MUC5B: variants seen among roughly 807,000 people sequenced by gnomAD.
MUC5B encodes mucin 5B, oligomeric mucus/gel-forming.
A neutral mutation model predicts 376.9 loss-of-function variants in MUC5B; 116 were observed. That is an observed-to-expected ratio of 0.31 (90% confidence interval 0.26 to 0.36). The LOEUF is 0.36. Ranked by LOEUF, MUC5B falls within the 10% of genes least tolerant of loss-of-function variation. The pLI, the probability that MUC5B is intolerant of heterozygous loss-of-function variation, is 1.00. For missense variants in MUC5B, 7,165 were observed against 7,769.9 expected (o/e 0.92, Z 2.93); for synonymous variants, 3,517 against 3,390.9 (o/e 1.04, Z -1.29).
intron 26 of MUC5B, 90 bp downstream of exon 26, chr11:1,239,117 G>C (rs1467835163): frequency 6.9e-7 from 1 of 1,454,972 alleles, no homozygotes; most frequent in Non-Finnish European, 9.3e-7. Context: ...ATTGACCTGG[G>C]CCTGAGCCGC....
At position 1,236,404 on chromosome 11, in the gene MUC5B, C is replaced by G; in HGVS notation, c.2899C>G (p.Gln967Glu). The change falls in exon 24 of 49, where the codon CAA becomes GAA. Residue 967 changes from glutamine (Q) to glutamate (E), a missense_variant. Gln to Glu is a conservative substitution (Grantham distance 29). Transcript: ENST00000529681. ...LFVESYELIL[Q>E]EGTFKAVARG... The stretch of plus-strand genomic sequence containing the variant: ...CCTGCAGAGCTACGAGCTGATCCTC[C>G]AAGAGGGGACCTTTAAGGCGGTGGC... The G allele has an allele frequency of 1.2e-6, 2 of 1,611,650 alleles. No individual in the cohort carries two copies. Among genetic ancestry groups the G allele is most frequent in the Non-Finnish European group, 1.7e-6 (2 of 1,179,224 alleles).
chr11:1,244,218 T>C lies in MUC5B; in HGVS notation c.7338T>C (p.Thr2446=), dbSNP rs1462027365. ...LTELTTTATT[T]ESTGSTATPS... The stretch of plus-strand genomic sequence containing the variant: ...AGCTGACCACAACAGCCACTACGAC[T>C]GAGTCCACTGGATCCACGGCCACCC... The change falls in exon 31 of 49, where the codon ACT becomes ACC. Residue 2446 remains threonine (T), a synonymous_variant. Transcript: ENST00000529681. 2 of 1,610,944 alleles carry C rather than the reference T, an allele frequency of 1.2e-6. No homozygotes were observed. Among genetic ancestry groups the C allele is most frequent in the Non-Finnish European group, 8.5e-7 (1 of 1,178,130 alleles).
chr11:1,254,741 C>T lies in MUC5B; in HGVS notation c.15525C>T (p.Gly5175=), dbSNP rs972531232. ...TGAGCAGCGGTTTCAGCAAGAACGG[C>T]GTGCTTGTGTCTGTGCTGGGGACCA... The part of the protein sequence containing the change: ...IPVSSGFSKN[G]VLVSVLGTTT... The change falls in exon 35 of 49, where the codon GGC becomes GGT. Residue 5175 remains glycine (G), a synonymous_variant. Coordinates refer to ENST00000529681, the MANE Select transcript of MUC5B (RefSeq NM_002458.3). The T allele has an allele frequency of 9.3e-6, 15 of 1,612,916 alleles. No individual in the cohort carries two copies. The highest frequency in any genetic ancestry group is 1.3e-5 in the Non-Finnish European group (15 of 1,179,752).
Position 1,232,170 on chromosome 11 carries a change from GCCCCCACCCCCACAGTCACC to G in MUC5B, c.1843+13_1843+32del, listed in dbSNP as rs750447810. On this transcript the variant is annotated intron_variant, in intron 15 of 48. Transcript: ENST00000529681. Reference sequence around the variant, plus strand: ...CTCAGTGTGGAGAATGGTACTCCTCGCCCCCACCCCCACAGTCACCCCAGGCTCAAGTCCCACCCAGCACC... The same window carrying G: ...CTCAGTGTGGAGAATGGTACTCCTCGCCAGGCTCAAGTCCCACCCAGCACC... The G allele has an allele frequency of 3.2e-5, 50 of 1,582,806 alleles. No homozygotes were observed. The highest frequency in any genetic ancestry group is 4.2e-5 in the Non-Finnish European group (49 of 1,162,874).
In MUC5B at chr11:1,240,264, G is replaced by A. The variant is rs373440258; in HGVS notation, c.3859G>A (p.Ala1287Thr). 3.8e-5 allele frequency: 61 copies of A among 1,613,516 alleles called. No homozygotes were observed. Among genetic ancestry groups the A allele is most frequent in the Non-Finnish European group, 4.9e-5 (58 of 1,179,700 alleles). ...TTDGLGACLI[A>T]ICGSNGTIIR... is the part of the protein sequence containing the mutation. ...CGATGGGCTTGGCGCCTGCTTGATCGCCATCTGCGGAAGCAACGGCACCAT... is the reference window on the plus strand; with the variant it reads ...CGATGGGCTTGGCGCCTGCTTGATCACCATCTGCGGAAGCAACGGCACCAT... Residue 1287 changes from alanine (A) to threonine (T), a missense_variant, in exon 30 of 49, where the codon GCC becomes ACC. Coordinates refer to ENST00000529681, the MANE Select transcript of MUC5B (RefSeq NM_002458.3).
Position 1,227,069 on chromosome 11 carries a change from A to G in MUC5B, c.500A>G (p.Glu167Gly). The G allele has an allele frequency of 6.2e-7, 1 of 1,612,222 alleles. No individual in the cohort carries two copies. Among genetic ancestry groups the G allele is most frequent in the African/African-American group, 1.3e-5 (1 of 75,044 alleles). Residue 167 changes from glutamate to glycine, a missense_variant, in exon 5 of 49, where the codon GAG becomes GGG. Coordinates refer to ENST00000529681, the MANE Select transcript of MUC5B (RefSeq NM_002458.3). ...LPYSRTGLLV[E>G]QSGDYIKVSI... ...TACAGCCGCACTGGCCTCCTGGTGG[A>G]GCAGAGCGGGGACTACATCAAGGTC...
rs199819779 is a variant in MUC5B at position 1,252,939 on chromosome 11, C to T, written c.15176C>T (p.Ser5059Leu). The T allele has an allele frequency of 5.4e-5, 87 of 1,612,550 alleles. 1 individual carries two copies. Among genetic ancestry groups the T allele is most frequent in the Non-Finnish European group, 7.0e-5 (83 of 1,179,872 alleles). ...CVNKHLPIKV[S>L]DPSQPCDFHY... is the part of the protein sequence containing the mutation. ...AACAAGCACCTGCCCATCAAAGTGT[C>T]GGACCCGAGCCAGCCCTGTGACTTC... is the stretch of plus-strand genomic sequence containing the variant. Residue 5059 changes from serine to leucine, a missense_variant, in exon 33 of 49, where the codon TCG becomes TTG. This residue lies in a region of MUC5B where 842 missense variants were observed against 1,016.9 expected (regional missense o/e 0.83). Transcript: ENST00000529681.
rs776024150 is a variant in MUC5B at position 1,233,179 on chromosome 11, C to T, written c.2232C>T (p.Gly744=). 33 of 1,604,196 alleles carry T rather than the reference C, an allele frequency of 2.1e-5. No homozygotes were observed. Among genetic ancestry groups the T allele is most frequent in the Middle Eastern group, 1.6e-4 (1 of 6,076 alleles). ...CPAGTFLNDA[G]ACVPAQECPC... is the part of the protein sequence containing the mutation. ...CGGGCACCTTCCTCAATGACGCGGGCGCCTGTGTGCCCGCCCAGGAGTGCC... is the reference window on the plus strand; with the variant it reads ...CGGGCACCTTCCTCAATGACGCGGGTGCCTGTGTGCCCGCCCAGGAGTGCC... Residue 744 remains glycine, a synonymous_variant, in exon 18 of 49, where the codon GGC becomes GGT. Transcript: ENST00000529681.
chr11:1,229,556 C>A, intron 9 of MUC5B, 134 bp from the exon 10 acceptor site: 1 of 851,464 alleles, frequency 1.2e-6, no homozygotes, highest in Non-Finnish European at 1.8e-6. Flanking sequence ...CAAGCGAGTG[C>A]AGCTCAGGGC....
At chr11:1,251,906 C>T (rs1358898828) in intron 31 of MUC5B, among the ~76,000 whole-genome samples, 163 bp downstream of exon 31, 1 of 151,644 alleles carries the variant, frequency 6.6e-6, no homozygotes, top group African/African-American at 2.4e-5. Flanking sequence ...ACTGGCCACA[C>T]TGGGTCTCCT....
Position 1,226,691 on chromosome 11 carries a change from C to T in MUC5B, c.276C>T (p.Val92=). 2 of 1,612,710 alleles carry T rather than the reference C, an allele frequency of 1.2e-6. No individual in the cohort carries two copies. Among genetic ancestry groups the T allele is most frequent in the Non-Finnish European group, 1.7e-6 (2 of 1,179,790 alleles). The change falls in exon 4 of 49, where the codon GTC becomes GTT. Residue 92 remains valine, a synonymous_variant. Coordinates refer to ENST00000529681, the MANE Select transcript of MUC5B (RefSeq NM_002458.3). ...DFHYKTFDGD[V]FRFPGLCNYV... is the part of the protein sequence containing the mutation. Reference sequence around the variant, plus strand: ...ACTACAAGACCTTCGACGGCGACGTCTTCCGCTTCCCTGGCCTTTGCAACT... The same window carrying T: ...ACTACAAGACCTTCGACGGCGACGTTTTCCGCTTCCCTGGCCTTTGCAACT...
rs765506147 is a variant in MUC5B, at chr11:1,251,252, C to G, written c.14372C>G (p.Thr4791Arg). 2 of 1,611,368 alleles carry G rather than the reference C, an allele frequency of 1.2e-6. No individual in the cohort carries two copies. Among genetic ancestry groups the G allele is most frequent in the South Asian group, 2.2e-5 (2 of 91,028 alleles). ...SSTPETTHTSTVLTTTATMTR... is the reference protein window; with the variant it reads ...SSTPETTHTSRVLTTTATMTR... The stretch of plus-strand genomic sequence containing the variant: ...ACTCCAGAGACCACCCACACCTCCA[C>G]AGTGCTGACCACCACAGCCACCATG... Residue 4791 changes from threonine (T) to arginine (R), a missense_variant, in exon 31 of 49, where the codon ACA becomes AGA. Thr to Arg is a moderately conservative substitution (Grantham distance 71). Around this residue, in one of 31 missense-constraint regions of MUC5B, gnomAD observed 730 missense variants for 592.7 expected, o/e 1.23. Coordinates refer to ENST00000529681, the MANE Select transcript of MUC5B (RefSeq NM_002458.3).
intron 1 of MUC5B, among the ~76,000 whole-genome samples, chr11:1,223,663 C>T (rs1410562335): frequency 6.6e-6 from 1 of 152,152 alleles, no homozygotes; most frequent in Non-Finnish European, 1.5e-5. Context: ...AGGGTACCAC[C>T]CTCAAGGGTT....
Position 1,251,361 on chromosome 11 carries a change from T to G in MUC5B, c.14481T>G (p.Thr4827=), listed in dbSNP as rs761733659. The change falls in exon 31 of 49, where the codon ACT becomes ACG. Residue 4827 remains threonine (T), a synonymous_variant. Transcript: ENST00000529681. ...RILTELTTTA[T]TTAATGSTAT... is the part of the protein sequence containing the mutation. ...TCACTGAGCTGACCACAACAGCCAC[T>G]ACAACTGCAGCCACTGGATCCACGG... 1.9e-6 allele frequency: 3 copies of G among 1,607,894 alleles called. No individual in the cohort carries two copies. Among genetic ancestry groups the G allele is most frequent in the Non-Finnish European group, 2.5e-6 (3 of 1,176,568 alleles).
At chr11:1,228,503 A>C in intron 7 of MUC5B, 61 bp from the exon 8 acceptor site, 1 of 1,429,320 alleles carries the variant, frequency 7.0e-7, no homozygotes, top group African/African-American at 1.4e-5. Flanking sequence ...GTCCTATTCC[A>C]GCACCGTGGC....
Position 1,226,638 on chromosome 11 carries a change from C to T in MUC5B, c.223C>T (p.Arg75Trp), listed in dbSNP as rs201544839. 112 of 1,610,932 alleles carry T rather than the reference C, an allele frequency of 7.0e-5. No individual in the cohort carries two copies. In the African/African-American group the frequency reaches 1.2e-3, roughly 17 times the overall value. ...LSPLNPAHNG[R>W]VCSTWGDFHY... ...AGCCCTGAACCCGGCGCACAATGGG[C>T]GGGTGTGCAGCACCTGGGGTGACTT... is the stretch of plus-strand genomic sequence containing the variant. Residue 75 changes from arginine to tryptophan, a missense_variant, in exon 4 of 49, where the codon CGG becomes TGG. Coordinates refer to ENST00000529681, the MANE Select transcript of MUC5B (RefSeq NM_002458.3).
Position 1,244,605 on chromosome 11 carries a change from C to T in MUC5B, c.7725C>T (p.His2575=), listed in dbSNP as rs756546935. 5.0e-6 allele frequency: 8 copies of T among 1,613,546 alleles called. No homozygotes were observed. The Admixed American group carries it at 1.0e-4, about 20-fold the overall frequency. The part of the protein sequence containing the change: ...ATPSSTPETV[H]TSTVLTTTAT... ...CCTCCTCCACTCCAGAGACTGTCCACACCTCCACAGTGCTTACCACCACGG... is the reference window on the plus strand; with the variant it reads ...CCTCCTCCACTCCAGAGACTGTCCATACCTCCACAGTGCTTACCACCACGG... The change falls in exon 31 of 49, where the codon CAC becomes CAT. Residue 2575 remains histidine, a synonymous_variant. Coordinates refer to ENST00000529681, the MANE Select transcript of MUC5B (RefSeq NM_002458.3).
In MUC5B at chr11:1,248,447, C is replaced by A. The variant is rs753386805; in HGVS notation, c.11567C>A (p.Thr3856Asn). 2 of 1,609,750 alleles carry A rather than the reference C, an allele frequency of 1.2e-6. No individual in the cohort carries two copies. The highest frequency in any genetic ancestry group is 1.7e-5 in the Admixed American group (1 of 59,864). Residue 3856 changes from threonine to asparagine, a missense_variant, in exon 31 of 49, where the codon ACC (threonine) becomes AAC (asparagine). Physicochemically the swap from Thr to Asn is moderately conservative, Grantham distance 65. This residue lies in a region of MUC5B where 242 missense variants were observed against 199.0 expected (regional missense o/e 1.22). Coordinates refer to ENST00000529681, the MANE Select transcript of MUC5B (RefSeq NM_002458.3). ...ATGSVATPSS[T>N]PGTAHTTKVP... The stretch of plus-strand genomic sequence containing the variant: ...GGCTCTGTGGCCACCCCCTCTTCCA[C>A]CCCAGGAACAGCTCACACTACCAAA...
rs1216305553 is a variant in MUC5B at position 1,247,459 on chromosome 11, A to T, written c.10579A>T (p.Thr3527Ser). The change falls in exon 31 of 49, where the codon ACG (threonine) becomes TCG (serine). Residue 3527 changes from threonine to serine, a missense_variant. Thr to Ser is a moderately conservative substitution (Grantham distance 58, BLOSUM62 1). Around this residue, in one of 31 missense-constraint regions of MUC5B, gnomAD observed 939 missense variants for 770.6 expected, o/e 1.22. Coordinates refer to ENST00000529681, the MANE Select transcript of MUC5B (RefSeq NM_002458.3). ...RTTESPPSPG[T>S]TTPGHTRGTS... is the part of the protein sequence containing the mutation. ...CACCGAGTCACCCCCTTCTCCAGGG[A>T]CGACCACCCCGGGCCACACCAGGGG... is the stretch of plus-strand genomic sequence containing the variant. 8 of 1,608,102 alleles carry T rather than the reference A, an allele frequency of 5.0e-6. 1 individual carries two copies. Among genetic ancestry groups the T allele is most frequent in the Non-Finnish European group, 6.8e-6 (8 of 1,178,468 alleles).
Sources: gnomAD v4.1 joint callset for allele counts (sites outside exome capture counted in the v4.1 genomes callset) on GRCh38, gnomAD v4.1.1 for gene constraint, gnomAD v4.1.1 regional missense constraint, MANE v1.5 for transcripts, NCBI Gene and HGNC (gene_info 2026-07-23, HGNC 2026-07-21) for gene names.